PECR: variants seen among roughly 807,000 people sequenced by gnomAD.
PECR encodes the protein peroxisomal trans-2-enoyl-CoA reductase.
In PECR, 30 loss-of-function variants were observed where a neutral mutation model predicts 35.3. That is an observed-to-expected ratio of 0.85 (90% confidence interval 0.64 to 1.15). The LOEUF is 1.15. Ranked by LOEUF, PECR falls within the 50% of genes most tolerant of loss-of-function variation. The pLI, the probability that PECR is intolerant of heterozygous loss-of-function variation, is 0.00. For synonymous variants in PECR, 148 were observed against 138.9 expected (o/e 1.07, Z -0.46); for missense variants, 392 against 370.8 (o/e 1.06, Z -0.47).
chr2:216,057,031 T>C (rs527917043), intron 4 of PECR, among the ~76,000 whole-genome samples: 205 of 152,276 alleles, frequency 1.3e-3, no homozygotes, highest in African/African-American at 4.6e-3. Context: ...TTCAAAAATG[T>C]ATTTTAAGAA....
rs1239347102 is a variant in PECR at position 216,068,539 on chromosome 2, C to T, written c.125-2021G>A. ...AGCTGGAAGAATTCATCAAGGTGAT[C>T]TGCACTACAAAAAAGATGAAAGGAA... On this transcript the variant is annotated intron_variant, in intron 1 of 7. Coordinates refer to ENST00000265322, the MANE Select transcript of PECR (RefSeq NM_018441.6). Among the ~76,000 whole-genome samples the T allele has an allele frequency of 2.6e-5, 4 of 152,154 alleles. No individual in the cohort carries two copies. The East Asian group carries it at 7.7e-4, about 29-fold the overall frequency.
intron 7 of PECR, among the ~76,000 whole-genome samples, chr2:216,040,534 G>A (rs780778609): frequency 2.0e-5 from 3 of 152,160 alleles, no homozygotes; most frequent in South Asian, 2.1e-4. Flanking sequence ...GATTACAGGT[G>A]TGAGCCATGG....
intron 7 of PECR, among the ~76,000 whole-genome samples, chr2:216,030,749 GAGA>G (rs1694668652): frequency 1.4e-5 from 2 of 146,632 alleles, no homozygotes; most frequent in South Asian, 4.3e-4. Flanking sequence ...TTTTAGTAGA[GAGA>G]AGGTTTCACC....
chr2:216,057,993 A>G (rs184178265), intron 4 of PECR: 3 of 152,318 alleles, frequency 2.0e-5, no homozygotes, highest in African/African-American at 7.2e-5. Context: ...CCACACCTAG[A>G]GACAGCCTGC....
Position 216,066,455 on chromosome 2 carries a change from T to G in PECR, c.188A>C (p.Gln63Pro). The change falls in exon 2 of 8, where the codon CAG (glutamine) becomes CCG (proline). Residue 63 changes from glutamine to proline, a missense_variant. Coordinates refer to ENST00000265322, the MANE Select transcript of PECR (RefSeq NM_018441.6). ...ERLKSAADEL[Q>P]ANLPPTKQAR... ...CTGCTTTGTGGGAGGTAGGTTGGCCTGCAGTTCATCTGCCGCAGACTTCAA... is the reference window on the plus strand; with the variant it reads ...CTGCTTTGTGGGAGGTAGGTTGGCCGGCAGTTCATCTGCCGCAGACTTCAA... The G allele has an allele frequency of 6.2e-7, 1 of 1,613,646 alleles. No homozygotes were observed. The highest frequency in any genetic ancestry group is 1.1e-5 in the South Asian group (1 of 91,076).
chr2:216,033,650 A>C (rs1471862689), downstream of PECR: 4 of 152,412 alleles, frequency 2.6e-5, no homozygotes, highest in Non-Finnish European at 2.9e-5. Flanking sequence ...AACAAGTCTG[A>C]AGGCTGCAGA....
At chr2:216,036,305 T>C (rs971836199), downstream of PECR, among the ~76,000 whole-genome samples, 2 of 152,210 alleles carry the variant, frequency 1.3e-5, no homozygotes, top group Admixed American at 6.5e-5. Context: ...GGACCATGTC[T>C]GGGATCCGGT....
At chr2:216,036,616 C>G (rs1694796371), downstream of PECR, among the ~76,000 whole-genome samples, 1 of 152,204 alleles carries the variant, frequency 6.6e-6, no homozygotes, top group African/African-American at 2.4e-5. Flanking sequence ...TTTCAGCAAG[C>G]CTGTCTTAAG....
chr2:216,064,824 C>CA (rs1380006400), intron 3 of PECR, among the ~76,000 whole-genome samples: 1 of 152,152 alleles, frequency 6.6e-6, no homozygotes, highest in Non-Finnish European at 1.5e-5. Context: ...GTAGTTTTTA[C>CA]AAAATCTCTT....
At chr2:216,047,600 AAT>A (rs997896409) in intron 6 of PECR, among the ~76,000 whole-genome samples, 25 of 152,308 alleles carry the variant, frequency 1.6e-4, no homozygotes, top group African/African-American at 5.1e-4. Flanking sequence ...TACTATTTTT[AAT>A]ATGTTTCATT....
At chr2:216,071,222 G>A (rs995837476) in intron 1 of PECR, among the ~76,000 whole-genome samples, 19 of 152,274 alleles carry the variant, frequency 1.2e-4, no homozygotes, top group African/African-American at 2.6e-4. Flanking sequence ...TTATCCCCAC[G>A]TCAGTAAATC....
chr2:216,031,677 AAGAAAGAAAGAAAG>A (rs753353177), intron 7 of PECR, among the ~76,000 whole-genome samples: 1,119 of 49,598 alleles, frequency 0.023, 11 homozygotes, highest in African/African-American at 0.067. Context: ...GAAAGAAAGA[AAGAAAGAAAGAAAG>A]AGAAAGAAAG....
intron 6 of PECR, among the ~76,000 whole-genome samples, chr2:216,045,369 C>T (rs1312917461): frequency 6.6e-6 from 1 of 152,192 alleles, no homozygotes; most frequent in Non-Finnish European, 1.5e-5. Context: ...GTATAGAACA[C>T]ACACTGGATT....
chr2:216,052,589 C>A (rs1054979314), intron 4 of PECR, among the ~76,000 whole-genome samples: 1 of 152,186 alleles, frequency 6.6e-6, no homozygotes, highest in Admixed American at 6.5e-5. Flanking sequence ...AAATCTGCTT[C>A]TGTATACAAT....
chr2:216,039,240 G>T lies in PECR; in HGVS notation c.*35C>A. 9.6e-7 allele frequency: 1 copy of T among 1,040,614 alleles called. No homozygotes were observed. Among genetic ancestry groups the T allele is most frequent in the Non-Finnish European group, 1.5e-6 (1 of 656,400 alleles). The allele number at this position is 1,040,614 out of a possible 1,614,324, so 64.5% of individuals were successfully genotyped here. Reference sequence around the variant, plus strand: ...AGAAGCATATCCTCAAGATGTGAAGGCACTGGGGGATGGAGGACACCTTGT... The same window carrying T: ...AGAAGCATATCCTCAAGATGTGAAGTCACTGGGGGATGGAGGACACCTTGT... On this transcript the variant is annotated 3_prime_UTR_variant, in exon 8 of 8. Coordinates refer to ENST00000265322, the MANE Select transcript of PECR (RefSeq NM_018441.6).
In PECR at chr2:216,066,530, C is replaced by G. The variant is rs1313100879; in HGVS notation, c.125-12G>C. ...GACCACATTACTCCCTGAGGAGAAACAGCCAGAGAACAAATAAATATGCCT... is the reference window on the plus strand; with the variant it reads ...GACCACATTACTCCCTGAGGAGAAAGAGCCAGAGAACAAATAAATATGCCT... On this transcript the variant is annotated splice_polypyrimidine_tract_variant and intron_variant, in intron 1 of 7. Transcript: ENST00000265322. 2 of 1,613,308 alleles carry G rather than the reference C, an allele frequency of 1.2e-6. No individual in the cohort carries two copies. The highest frequency in any genetic ancestry group is 1.7e-5 in the Admixed American group (1 of 60,002).
chr2:216,068,890 T>C lies in PECR; in HGVS notation c.125-2372A>G, dbSNP rs115396809. On this transcript the variant is annotated intron_variant, in intron 1 of 7. Coordinates refer to ENST00000265322, the MANE Select transcript of PECR (RefSeq NM_018441.6). Reference sequence around the variant, plus strand: ...ATTATGTGAGTAAATATAAAGACTTTTCTTGTTTCTATTCAGATCTCTTTA... The same window carrying C: ...ATTATGTGAGTAAATATAAAGACTTCTCTTGTTTCTATTCAGATCTCTTTA... 3.4e-3 allele frequency among the ~76,000 whole-genome samples: 519 copies of C among 151,948 alleles called. 4 individuals are homozygous for C. The highest frequency in any genetic ancestry group is 0.012 in the African/African-American group (505 of 41,412).
At chr2:216,067,318 G>A (rs1353573919) in intron 1 of PECR, among the ~76,000 whole-genome samples, 3 of 152,164 alleles carry the variant, frequency 2.0e-5, no homozygotes, top group East Asian at 1.9e-4. Flanking sequence ...ACCAAAAATG[G>A]GCAGGGAGAT....
downstream of PECR, among the ~76,000 whole-genome samples, chr2:216,037,289 G>A (rs1694809456): frequency 6.6e-6 from 1 of 152,190 alleles, no homozygotes; most frequent in Non-Finnish European, 1.5e-5. Flanking sequence ...CTAAGAAGAA[G>A]CTCTAATAAG....
Sources: allele counts gnomAD v4.1 joint callset (sites outside exome capture counted in the v4.1 genomes callset), GRCh38; gene constraint gnomAD v4.1.1; transcripts MANE v1.5; gene names NCBI Gene and HGNC (gene_info 2026-07-23, HGNC 2026-07-21).